The following MARCHF8 variants were observed in gnomAD, a reference collection of about 807,000 sequenced individuals.
MARCHF8 encodes E3 ubiquitin-protein ligase MARCHF8.
A neutral mutation model predicts 51.6 loss-of-function variants in MARCHF8; 40 were observed. That is an observed-to-expected ratio of 0.77 (90% confidence interval 0.60 to 1.01). The LOEUF (loss-of-function observed/expected upper bound fraction) is 1.01, where lower values mean the gene tolerates loss of function less well. Among genes scored for constraint, MARCHF8 ranks in the 50% least tolerant of loss-of-function variants. MARCHF8 has a pLI of 0.00. For missense variants in MARCHF8, 685 were observed against 708.6 expected (o/e 0.97, Z 0.38); for synonymous variants, 263 against 280.3 (o/e 0.94, Z 0.62).
chr10:45,512,217 C>G (rs889382205), intron 2 of MARCHF8, among the ~76,000 whole-genome samples: 7 of 151,472 alleles, frequency 4.6e-5, no homozygotes, highest in Non-Finnish European at 1.0e-4. Flanking sequence ...ACCGCCCCGT[C>G]TGAGAAGTGA....
chr10:45,586,725 T>C (rs1418081147), intron 1 of MARCHF8, among the ~76,000 whole-genome samples: 2 of 152,150 alleles, frequency 1.3e-5, no homozygotes, highest in African/African-American at 4.8e-5. Flanking sequence ...GAATTTTTAG[T>C]ATGTCTACTA....
Position 45,530,597 on chromosome 10 carries a change from T to C in MARCHF8, c.102+2513A>G, listed in dbSNP as rs972440697. On this transcript the variant is annotated intron_variant, in intron 2 of 7. Coordinates refer to ENST00000453424, the MANE Select transcript of MARCHF8 (RefSeq NM_001282866.2). ...AGGAGTTTGAGACCAGCCTGGGCAATAGCAAGACCCCGACTCTACAAAATG... is the reference window on the plus strand; with the variant it reads ...AGGAGTTTGAGACCAGCCTGGGCAACAGCAAGACCCCGACTCTACAAAATG... 2.0e-5 allele frequency among the ~76,000 whole-genome samples: 3 copies of C among 151,976 alleles called. No homozygotes were observed. In the South Asian group the frequency reaches 6.2e-4, roughly 32 times the overall value.
chr10:45,479,473 T>C (rs1032307734), intron 3 of MARCHF8, among the ~76,000 whole-genome samples: 7 of 152,116 alleles, frequency 4.6e-5, no homozygotes, highest in African/African-American at 1.7e-4. Flanking sequence ...TTTGGCTGTG[T>C]CCCCACCCAA....
At chr10:45,477,629 T>C (rs73285375) in intron 3 of MARCHF8, among the ~76,000 whole-genome samples, 3,729 of 151,146 alleles carry the variant, frequency 0.025, 153 homozygotes, top group African/African-American at 0.084. Flanking sequence ...ACTGGCTGAA[T>C]GGATTTAAAA....
rs1842578623 is a variant in MARCHF8 at position 45,455,661 on chromosome 10, A to T, written c.*2578T>A. ...TGGCCACACCAGATGGGAGTACCAC[A>T]TCCCCACCAGGCTTCATGCTTCACT... On this transcript the variant is annotated 3_prime_UTR_variant, in exon 8 of 8. Coordinates refer to ENST00000453424, the MANE Select transcript of MARCHF8 (RefSeq NM_001282866.2). 6.6e-6 allele frequency: 1 copy of T among 152,292 alleles called. No individual in the cohort carries two copies. Among genetic ancestry groups the T allele is most frequent in the Admixed American group, 6.5e-5 (1 of 15,290 alleles). The allele number at this position is 152,292 out of a possible 1,614,324, so 9.4% of individuals were successfully genotyped here.
chr10:45,568,072 C>A (rs192912187), intron 1 of MARCHF8, among the ~76,000 whole-genome samples: 1 of 152,224 alleles, frequency 6.6e-6, no homozygotes, highest in East Asian at 1.9e-4. Context: ...TTCTTTTTCA[C>A]ATTGTTCACT....
At chr10:45,477,374 C>T (rs2042805735) in intron 3 of MARCHF8, among the ~76,000 whole-genome samples, 2 of 152,086 alleles carry the variant, frequency 1.3e-5, no homozygotes, top group East Asian at 1.9e-4. Context: ...ACAGTATTTG[C>T]CATCATGAAA....
intron 2 of MARCHF8, among the ~76,000 whole-genome samples, chr10:45,492,926 T>G (rs2043110835): frequency 6.6e-6 from 1 of 152,234 alleles, no homozygotes; most frequent in African/African-American, 2.4e-5. Context: ...ATCTGAGAAT[T>G]CAAAATCTGA....
intron 2 of MARCHF8, among the ~76,000 whole-genome samples, chr10:45,492,504 A>G (rs1480847054): frequency 1.3e-5 from 2 of 152,046 alleles, no homozygotes; most frequent in African/African-American, 4.8e-5. Flanking sequence ...TCACTGTGTT[A>G]GCCAGGATGG....
At chr10:45,563,802 C>T (rs771003218) in intron 1 of MARCHF8, among the ~76,000 whole-genome samples, 10 of 152,002 alleles carry the variant, frequency 6.6e-5, no homozygotes, top group Non-Finnish European at 1.3e-4. Context: ...ATAAGACATA[C>T]CCAATGAATA....
In MARCHF8 at chr10:45,590,529, AAAC is replaced by A. The variant is rs541781697; in HGVS notation, c.-79+3703_-79+3705del. On this transcript the variant is annotated intron_variant, in intron 1 of 6. Transcript: ENST00000319836. ...GTAGTTACTGGTGTACGCACCTGACAAACAACAACTCCAATCCTAGATGTATAT... is the reference window on the plus strand; with the variant it reads ...GTAGTTACTGGTGTACGCACCTGACAAACAACTCCAATCCTAGATGTATAT... Among the ~76,000 whole-genome samples the A allele has an allele frequency of 5.9e-5, 9 of 152,306 alleles. No homozygotes were observed. The East Asian group carries it at 1.7e-3, about 29-fold the overall frequency.
At chr10:45,516,720 C>T (rs767223320) in intron 2 of MARCHF8, among the ~76,000 whole-genome samples, 44 of 151,976 alleles carry the variant, frequency 2.9e-4, no homozygotes, top group Non-Finnish European at 4.9e-4. Context: ...GCTGAGACTG[C>T]GCCACTGTGC....
intron 2 of MARCHF8, among the ~76,000 whole-genome samples, chr10:45,490,202 TC>T (rs2043056621): frequency 6.6e-6 from 1 of 152,212 alleles, no homozygotes; most frequent in Non-Finnish European, 1.5e-5. Flanking sequence ...AACTGTGTAT[TC>T]CCCTCCCTTC....
Position 45,523,540 on chromosome 10 carries a change from A to G in MARCHF8, c.102+9570T>C, listed in dbSNP as rs185458074. 2.6e-5 allele frequency among the ~76,000 whole-genome samples: 4 copies of G among 152,316 alleles called. No individual in the cohort carries two copies. In the East Asian group the frequency reaches 7.7e-4, roughly 29 times the overall value. On this transcript the variant is annotated intron_variant, in intron 2 of 7. Transcript: ENST00000453424. Reference sequence around the variant, plus strand: ...ATCTCTAAACTAAATAAATAAAAACAAAGAGTGAAAAATAAATAAATATAT... The same window carrying G: ...ATCTCTAAACTAAATAAATAAAAACGAAGAGTGAAAAATAAATAAATATAT...
At position 45,463,446 on chromosome 10, in the gene MARCHF8, G is replaced by C; in HGVS notation, c.793C>G (p.Leu265Val). ...CTGCTGGCGCTCAAGCCGTGCGAGA[G>C]TGAGAACAGGTACTGGAGCAGTTGC... ...SRQLLQYLFS[L>V]SHGLSASSLH... The change falls in exon 5 of 8, where the codon CTC (leucine) becomes GTC (valine). Residue 265 changes from leucine to valine, a missense_variant. Transcript: ENST00000453424. 1 of 1,550,658 alleles carries C rather than the reference G, an allele frequency of 6.4e-7. No homozygotes were observed. Among genetic ancestry groups the C allele is most frequent in the Non-Finnish European group, 8.7e-7 (1 of 1,147,018 alleles).
intron 1 of MARCHF8, among the ~76,000 whole-genome samples, chr10:45,562,110 T>G (rs1407047340): frequency 6.6e-6 from 1 of 151,974 alleles, no homozygotes; most frequent in Non-Finnish European, 1.5e-5. Context: ...TACTCAGAGT[T>G]AGGGAAATGA....
intron 2 of MARCHF8, among the ~76,000 whole-genome samples, chr10:45,512,653 G>A (rs1256946306): frequency 1.6e-4 from 23 of 148,084 alleles, no homozygotes; most frequent in East Asian, 4.1e-4. Context: ...GGTGAGGGGC[G>A]CCTCTGCCCG....
chr10:45,520,502 AGG>A (rs2043688865), intron 2 of MARCHF8, among the ~76,000 whole-genome samples: 1 of 152,230 alleles, frequency 6.6e-6, no homozygotes, highest in African/African-American at 2.4e-5. Flanking sequence ...AACTGTACAA[AGG>A]TATGTGTGGT....
At chr10:45,476,426 G>C (rs1195955171) in intron 3 of MARCHF8, among the ~76,000 whole-genome samples, 1 of 152,038 alleles carries the variant, frequency 6.6e-6, no homozygotes, top group East Asian at 1.9e-4. Flanking sequence ...AAATTAGCTG[G>C]GCATGGTGAT....
Sources: allele counts gnomAD v4.1 joint callset (sites outside exome capture counted in the v4.1 genomes callset), GRCh38; gene constraint gnomAD v4.1.1; transcripts MANE v1.5; gene names NCBI Gene and HGNC (gene_info 2026-07-23, HGNC 2026-07-21).